IQCM: variants seen among roughly 807,000 people sequenced by gnomAD.
IQCM encodes IQ motif containing M.
IQCM carries 45 observed loss-of-function variants against 57.6 expected under a neutral mutation model. That is an observed-to-expected ratio of 0.78 (90% CI 0.62 to 1.00). The LOEUF is 1.00. Among genes scored for constraint, IQCM ranks in the 50% least tolerant of loss-of-function variants. The pLI, the probability that IQCM is intolerant of heterozygous loss-of-function variation, is 0.00. For missense variants in IQCM, 468 were observed against 511.6 expected (o/e 0.91, Z 0.82); for synonymous variants, 148 against 158.9 (o/e 0.93, Z 0.51).
chr4:149,406,768 G>GTAGA (rs1578953084), intron 13 of IQCM, among the ~76,000 whole-genome samples: 2 of 152,194 alleles, frequency 1.3e-5, no homozygotes, highest in East Asian at 3.9e-4. Flanking sequence ...AAAATCTGAG[G>GTAGA]TAGATGTTAG....
chr4:149,457,868 A>G (rs1737864646), intron 12 of IQCM, among the ~76,000 whole-genome samples: 1 of 152,048 alleles, frequency 6.6e-6, no homozygotes, highest in South Asian at 2.1e-4. Flanking sequence ...TTAGACATTC[A>G]TTTTGACTTG....
intron 5 of IQCM, among the ~76,000 whole-genome samples, chr4:149,714,350 T>A (rs1251199436): frequency 6.6e-6 from 1 of 152,170 alleles, no homozygotes; most frequent in African/African-American, 2.4e-5. Flanking sequence ...CTTCTCTAAC[T>A]CCCTCCCATG....
At chr4:149,514,825 A>G (rs1744774288) in intron 12 of IQCM, 1 of 152,246 alleles carries the variant, frequency 6.6e-6, no homozygotes, top group African/African-American at 2.4e-5. Flanking sequence ...GGCACCATCT[A>G]ATCAGCTGCC....
At chr4:149,369,391 C>G (rs1365213333) in intron 13 of IQCM, among the ~76,000 whole-genome samples, 1 of 151,800 alleles carries the variant, frequency 6.6e-6, no homozygotes, top group Non-Finnish European at 1.5e-5. Context: ...ATATTCCAAA[C>G]AAATATATGA....
chr4:149,375,009 T>TGTGTGTGTGTGA (rs55772693), intron 13 of IQCM, among the ~76,000 whole-genome samples: 174 of 151,214 alleles, frequency 1.2e-3, no homozygotes, highest in East Asian at 7.5e-3. Flanking sequence ...TGTGTGTGTG[T>TGTGTGTGTGTGA]GATGTTCTTT....
chr4:149,499,735 A>G (rs1021760680), intron 12 of IQCM, among the ~76,000 whole-genome samples: 3 of 152,224 alleles, frequency 2.0e-5, no homozygotes, highest in Admixed American at 2.0e-4. Flanking sequence ...TACTAATTAA[A>G]GTGGTGGCCT....
chr4:149,618,650 A>C (rs1756012033), intron 8 of IQCM, among the ~76,000 whole-genome samples: 1 of 152,112 alleles, frequency 6.6e-6, no homozygotes, highest in African/African-American at 2.4e-5. Flanking sequence ...CAAGAAAAAA[A>C]AATCCCATTA....
intron 8 of IQCM, among the ~76,000 whole-genome samples, chr4:149,607,726 G>A (rs554397759): frequency 6.6e-6 from 1 of 152,056 alleles, no homozygotes; most frequent in South Asian, 2.1e-4. Context: ...ATAATTGATT[G>A]TAAGATGTTA....
chr4:149,653,559 A>G (rs754573119), intron 7 of IQCM, among the ~76,000 whole-genome samples: 1 of 152,098 alleles, frequency 6.6e-6, no homozygotes, highest in Non-Finnish European at 1.5e-5. Flanking sequence ...ATGAGTGTAG[A>G]AAAGAACAGA....
chr4:149,553,050 AC>A, intron 11 of IQCM, 92 bp downstream of exon 11: 1 of 916,862 alleles, frequency 1.1e-6, no homozygotes, highest in Non-Finnish European at 1.4e-6. Context: ...CATATAATCT[AC>A]CTTTGCTTTC....
At chr4:149,798,503 T>C (rs894048225) in intron 2 of IQCM, among the ~76,000 whole-genome samples, 3 of 151,930 alleles carry the variant, frequency 2.0e-5, no homozygotes, top group Non-Finnish European at 4.4e-5. Context: ...TTGTCAATAA[T>C]ATGTTTGAAG....
chr4:149,764,415 G>A (rs1769837272), intron 2 of IQCM, among the ~76,000 whole-genome samples: 1 of 152,156 alleles, frequency 6.6e-6, no homozygotes. Context: ...GAGATTTCCT[G>A]AGGGACTTAG....
At chr4:149,496,245 G>A (rs1176265531) in intron 12 of IQCM, among the ~76,000 whole-genome samples, 2 of 152,072 alleles carry the variant, frequency 1.3e-5, no homozygotes, top group African/African-American at 2.4e-5. Context: ...TACTTAATAT[G>A]AGCCAGGCAT....
chr4:149,481,716 T>TTTG (rs1740896175), intron 12 of IQCM, among the ~76,000 whole-genome samples: 1 of 138,584 alleles, frequency 7.2e-6, no homozygotes, highest in African/African-American at 2.7e-5. Flanking sequence ...TTTTTTTTTT[T>TTTG]TTTTTTGCTT....
At chr4:149,763,155 T>C (rs1225397249) in intron 2 of IQCM, among the ~76,000 whole-genome samples, 4 of 151,980 alleles carry the variant, frequency 2.6e-5, no homozygotes, top group African/African-American at 9.7e-5. Context: ...ATCATCATCA[T>C]CACGGTCGTC....
chr4:149,621,023 T>C (rs1756286208), intron 8 of IQCM, 106 bp downstream of exon 8: 1 of 445,042 alleles, frequency 2.2e-6, no homozygotes, highest in Non-Finnish European at 3.7e-6. Flanking sequence ...ATCTTAGGAC[T>C]GAAACAGGTC....
At chr4:149,575,311 T>A (rs749123578) in intron 9 of IQCM, among the ~76,000 whole-genome samples, 2 of 151,864 alleles carry the variant, frequency 1.3e-5, no homozygotes, top group African/African-American at 4.8e-5. Flanking sequence ...AGGGGAGGGA[T>A]GTAATACATG....
At chr4:149,471,802 C>A (rs1670157621) in intron 12 of IQCM, among the ~76,000 whole-genome samples, 1 of 152,152 alleles carries the variant, frequency 6.6e-6, no homozygotes, top group Admixed American at 6.6e-5. Context: ...CCCTGGGTTG[C>A]AAGTCTGGTG....
chr4:149,693,623 T>C (rs1377510527), intron 5 of IQCM, among the ~76,000 whole-genome samples: 1 of 152,224 alleles, frequency 6.6e-6, no homozygotes, highest in Non-Finnish European at 1.5e-5. Context: ...TCCTCCATAC[T>C]TTCCATAAAT....
Sources: allele counts gnomAD v4.1 joint callset (sites outside exome capture counted in the v4.1 genomes callset), GRCh38; gene constraint gnomAD v4.1.1; transcripts MANE v1.5; gene names NCBI Gene and HGNC (gene_info 2026-07-23, HGNC 2026-07-21).